The following CDKAL1 variants were observed in gnomAD, a reference collection of about 807,000 sequenced individuals.
The protein encoded by CDKAL1 is threonylcarbamoyladenosine tRNA methylthiotransferase.
Under a neutral mutation model 68.2 loss-of-function variants are expected in CDKAL1, and 32 were observed. That is an observed-to-expected ratio of 0.47 (90% CI 0.35 to 0.63). CDKAL1 has a LOEUF of 0.63. Among genes scored for constraint, CDKAL1 ranks in the 30% least tolerant of loss-of-function variants. CDKAL1 has a pLI of 0.00. For synonymous variants in CDKAL1, 234 were observed against 244.3 expected (o/e 0.96, Z 0.39); for missense variants, 606 against 696.7 (o/e 0.87, Z 1.47).
At chr6:20,884,370 A>G (rs1258188864) in intron 9 of CDKAL1, among the ~76,000 whole-genome samples, 5 of 152,188 alleles carry the variant, frequency 3.3e-5, no homozygotes, top group Admixed American at 2.6e-4. Flanking sequence ...GTTAAAGGAC[A>G]TTTCTGAAAA....
At chr6:20,691,785 ATAT>A (rs1316591023) in intron 5 of CDKAL1, among the ~76,000 whole-genome samples, 7 of 152,194 alleles carry the variant, frequency 4.6e-5, no homozygotes, top group African/African-American at 7.2e-5. Flanking sequence ...TGGGATGTAC[ATAT>A]CCCTAGGCTA....
At chr6:21,058,824 A>G (rs1011718789) in intron 11 of CDKAL1, among the ~76,000 whole-genome samples, 2 of 152,128 alleles carry the variant, frequency 1.3e-5, no homozygotes, top group African/African-American at 4.8e-5. Context: ...ACCTAATGCC[A>G]GGGGGCATGC....
intron 13 of CDKAL1, among the ~76,000 whole-genome samples, chr6:21,147,080 G>C (rs1776210170): frequency 6.6e-6 from 1 of 152,104 alleles, no homozygotes. Context: ...GGGATTGACT[G>C]GTGGGGGGGA....
intron 5 of CDKAL1, among the ~76,000 whole-genome samples, chr6:20,708,325 T>G (rs1011614048): frequency 6.6e-6 from 1 of 152,244 alleles, no homozygotes; most frequent in African/African-American, 2.4e-5. Context: ...AGAAATTTTC[T>G]TTCATTTAAA....
At chr6:21,205,072 T>G (rs972160889) in intron 15 of CDKAL1, among the ~76,000 whole-genome samples, 1 of 152,248 alleles carries the variant, frequency 6.6e-6, no homozygotes, top group Non-Finnish European at 1.5e-5. Context: ...TGTGACTTGC[T>G]TATTTCACTT....
chr6:20,735,333 G>A (rs1409116192), intron 5 of CDKAL1, among the ~76,000 whole-genome samples: 1 of 152,160 alleles, frequency 6.6e-6, no homozygotes, highest in Admixed American at 6.5e-5. Context: ...ACTCAGTTCT[G>A]CATGGCTGGG....
intron 10 of CDKAL1, among the ~76,000 whole-genome samples, chr6:20,997,375 A>C (rs1767176573): frequency 6.6e-6 from 1 of 152,156 alleles, no homozygotes; most frequent in Non-Finnish European, 1.5e-5. Flanking sequence ...TGGGGACATT[A>C]ATCTGTGTTA....
At chr6:20,658,087 C>T (rs1339162290) in intron 5 of CDKAL1, among the ~76,000 whole-genome samples, 1 of 152,168 alleles carries the variant, frequency 6.6e-6, no homozygotes, top group African/African-American at 2.4e-5. Flanking sequence ...AATCAAAAAA[C>T]TCCTTTGGTT....
chr6:21,100,353 G>C (rs1174147988), intron 12 of CDKAL1, among the ~76,000 whole-genome samples: 2 of 152,110 alleles, frequency 1.3e-5, no homozygotes, highest in Non-Finnish European at 2.9e-5. Flanking sequence ...CTGCTGTTTT[G>C]GTGTCCTCTA....
intron 8 of CDKAL1, among the ~76,000 whole-genome samples, chr6:20,823,717 G>A (rs1161025977): frequency 1.3e-5 from 2 of 152,124 alleles, no homozygotes; most frequent in African/African-American, 4.8e-5. Context: ...TAACTCTTCG[G>A]TGAACAATTA....
At chr6:21,092,252 T>C (rs1263516245) in intron 12 of CDKAL1, among the ~76,000 whole-genome samples, 1 of 143,414 alleles carries the variant, frequency 7.0e-6, no homozygotes, top group Non-Finnish European at 1.5e-5. Flanking sequence ...GATTAACTGA[T>C]TCTTTTTTTT....
Position 20,672,236 on chromosome 6 carries a change from C to CTCTTTCTTTCTTTCTT in CDKAL1, c.371+22873_371+22888dup, listed in dbSNP as rs66598881. ...CTTTCTTCCTTTCTTTCTTTTCTTTCTCTTTCTTTCTTTCTTTCTTTCTTT... is the reference window on the plus strand; with the variant it reads ...CTTTCTTCCTTTCTTTCTTTTCTTTCTCTTTCTTTCTTTCTTTCTTTCTTTCTTTCTTTCTTTCTTT... On this transcript the variant is annotated intron_variant, in intron 5 of 15. Transcript: ENST00000274695. 1.2e-4 allele frequency among the ~76,000 whole-genome samples: 16 copies of CTCTTTCTTTCTTTCTT among 135,538 alleles called. No individual in the cohort carries two copies. In the East Asian group the frequency reaches 3.6e-3, roughly 30 times the overall value. The allele number at this position is 135,538 out of a possible 152,430, so 88.9% of individuals were successfully genotyped here.
At chr6:20,884,915 C>T (rs988664719) in intron 9 of CDKAL1, among the ~76,000 whole-genome samples, 1 of 151,896 alleles carries the variant, frequency 6.6e-6, no homozygotes, top group Admixed American at 6.6e-5. Context: ...TCACTTGAGC[C>T]TGAAAGTTTG....
chr6:20,874,373 A>G (rs1159052382), intron 9 of CDKAL1, among the ~76,000 whole-genome samples: 2 of 151,708 alleles, frequency 1.3e-5, no homozygotes, highest in Non-Finnish European at 2.9e-5. Flanking sequence ...GTGTGATCTC[A>G]GCCCATTGCA....
Position 21,023,130 on chromosome 6 carries a change from A to T in CDKAL1, c.1055+22758A>T, listed in dbSNP as rs1326135797. Among the ~76,000 whole-genome samples the T allele has an allele frequency of 6.7e-5, 10 of 149,500 alleles. 1 individual carries two copies. The highest frequency in any genetic ancestry group is 6.3e-4 in the South Asian group (3 of 4,748). On this transcript the variant is annotated intron_variant, in intron 11 of 15. Coordinates refer to ENST00000274695, the MANE Select transcript of CDKAL1 (RefSeq NM_017774.3). Reference sequence around the variant, plus strand: ...GAAGATAAATGTTTCTCAATTGATAATTTTTTTTTTTTACCATTAGCCTTT... The same window carrying T: ...GAAGATAAATGTTTCTCAATTGATATTTTTTTTTTTTTACCATTAGCCTTT...
intron 11 of CDKAL1, among the ~76,000 whole-genome samples, chr6:21,020,074 C>CT (rs1253548322): frequency 1.3e-5 from 2 of 152,096 alleles, no homozygotes; most frequent in African/African-American, 2.4e-5. Flanking sequence ...TCTGTCTCCC[C>CT]TTTTTCTTTC....
intron 6 of CDKAL1, among the ~76,000 whole-genome samples, chr6:20,747,322 A>G (rs1299192856): frequency 6.6e-6 from 1 of 152,200 alleles, no homozygotes; most frequent in East Asian, 1.9e-4. Context: ...ATATCTCTAC[A>G]GAGTGCTGAT....
At chr6:21,187,523 C>T (rs916704256) in intron 13 of CDKAL1, among the ~76,000 whole-genome samples, 1 of 152,178 alleles carries the variant, frequency 6.6e-6, no homozygotes, top group African/African-American at 2.4e-5. Flanking sequence ...GTCCTGCATA[C>T]CACACCCACA....
In CDKAL1 at chr6:20,612,990, TACACACACACACACACACACACAC is replaced by T. The variant is rs55999857; in HGVS notation, c.287-36271_287-36248del. On this transcript the variant is annotated intron_variant, in intron 4 of 15. Coordinates refer to ENST00000274695, the MANE Select transcript of CDKAL1 (RefSeq NM_017774.3). ...TGAAGAAACTCATTGTTGCAATTTC[TACACACACACACACACACACACAC>T]ACACACACACACACACACACACACA... 6.3e-3 allele frequency among the ~76,000 whole-genome samples: 818 copies of T among 130,052 alleles called. 3 individuals are homozygous for T. Among genetic ancestry groups the T allele is most frequent in the East Asian group, 0.01 (47 of 4,500 alleles). 85.3% of individuals were successfully genotyped at this position (130,052 alleles called of 152,430 possible).
Sources: gnomAD v4.1 joint callset for allele counts (sites outside exome capture counted in the v4.1 genomes callset) on GRCh38, gnomAD v4.1.1 for gene constraint, MANE v1.5 for transcripts, NCBI Gene and HGNC (gene_info 2026-07-23, HGNC 2026-07-21) for gene names.